The following MAL variants were observed in gnomAD, a reference collection of about 807,000 sequenced individuals.
The protein encoded by MAL is myelin and lymphocyte protein.
MAL carries 5 observed loss-of-function variants against 16.7 expected under a neutral mutation model. The observed-to-expected ratio is 0.30, with a 90% CI of 0.16 to 0.63. The LOEUF (loss-of-function observed/expected upper bound fraction) is 0.63. Among genes scored for constraint, MAL ranks in the 30% least tolerant of loss-of-function variants. MAL has a pLI of 0.82. For missense variants in MAL, 202 were observed against 195.8 expected (o/e 1.03, Z -0.19); for synonymous variants, 96 against 85.5 (o/e 1.12, Z -0.67).
At chr2:95,045,180 CAAAG>C (rs1202144996) in intron 1 of MAL, among the ~76,000 whole-genome samples, 3 of 152,162 alleles carry the variant, frequency 2.0e-5, no homozygotes, top group Non-Finnish European at 4.4e-5. Flanking sequence ...TCAGAAAAAC[CAAAG>C]AGAGTAAAGG....
rs542820496 is a variant in MAL, at chr2:95,032,600, G to A, written c.93+6715G>A. On this transcript the variant is annotated intron_variant, in intron 1 of 3. Coordinates refer to ENST00000309988, the MANE Select transcript of MAL (RefSeq NM_002371.4). Reference sequence around the variant, plus strand: ...ACTGTGCCCCTTGTCCTTGAAGCAGGAACGTTCTGGGGTGTGTGGCCAGCT... The same window carrying A: ...ACTGTGCCCCTTGTCCTTGAAGCAGAAACGTTCTGGGGTGTGTGGCCAGCT... Among the ~76,000 whole-genome samples the A allele has an allele frequency of 4.0e-4, 61 of 152,328 alleles. No homozygotes were observed. The South Asian group carries it at 0.012, about 31-fold the overall frequency.
At chr2:95,040,789 C>A (rs920587960) in intron 1 of MAL, among the ~76,000 whole-genome samples, 20 of 152,138 alleles carry the variant, frequency 1.3e-4, no homozygotes, top group African/African-American at 4.6e-4. Context: ...ATGATTTTTG[C>A]CACTTGACCT....
rs1282383235 is a variant in MAL, at chr2:95,032,700, G to A, written c.93+6815G>A. 9.2e-5 allele frequency among the ~76,000 whole-genome samples: 14 copies of A among 152,264 alleles called. 1 individual carries two copies. The South Asian group carries it at 2.9e-3, about 32-fold the overall frequency. ...GTCCCTCGTGGTCTCTCATCAATTT[G>A]GAAGGCTCCAAATTGCCTTTGACAC... is the stretch of plus-strand genomic sequence containing the variant. On this transcript the variant is annotated intron_variant, in intron 1 of 3. Transcript: ENST00000309988.
chr2:95,046,494 A>T (rs1674587749), intron 1 of MAL, among the ~76,000 whole-genome samples: 1 of 152,182 alleles, frequency 6.6e-6, no homozygotes, highest in South Asian at 2.1e-4. Context: ...GTCCACAGTG[A>T]GGAACGGAGT....
In MAL at chr2:95,053,294, T is replaced by C. The variant is rs373798004; in HGVS notation, c.388-87T>C. The C allele has an allele frequency of 5.5e-6, 5 of 911,038 alleles. No individual in the cohort carries two copies. The African/African-American group carries it at 6.5e-5, about 12-fold the overall frequency. The allele number at this position is 911,038 out of a possible 1,614,324, so 56.4% of individuals were successfully genotyped here. A position where few individuals can be genotyped will look rare whatever the true frequency, so the allele number is the denominator to read the frequency against. ...CAAGCTCTCTGGGTCTGGCCCCCCC[T>C]ACGCCACGTGGGGCTGGATGCAGTG... On this transcript the variant is annotated intron_variant, in intron 3 of 3. Transcript: ENST00000309988.
At chr2:95,031,746 C>T (rs1200853951) in intron 1 of MAL, among the ~76,000 whole-genome samples, 2 of 152,234 alleles carry the variant, frequency 1.3e-5, no homozygotes, top group African/African-American at 4.8e-5. Context: ...ACTGTGTCCA[C>T]TGGCTCCTGG....
intron 1 of MAL, among the ~76,000 whole-genome samples, chr2:95,032,079 G>A (rs1364109880): frequency 6.6e-6 from 1 of 152,250 alleles, no homozygotes; most frequent in African/African-American, 2.4e-5. Context: ...ACCTCACAGG[G>A]ATGGGGCAAT....
chr2:95,036,803 G>GTGTGAGTGAGTGACTT, intron 1 of MAL, among the ~76,000 whole-genome samples: 1 of 152,026 alleles, frequency 6.6e-6, no homozygotes, highest in East Asian at 1.9e-4. Flanking sequence ...GTGACTGAGT[G>GTGTGAGTGAGTGACTT]TGTGAGTGAG....
chr2:95,036,143 G>A (rs1187918952), intron 1 of MAL, among the ~76,000 whole-genome samples: 2 of 152,216 alleles, frequency 1.3e-5, no homozygotes, highest in Non-Finnish European at 2.9e-5. Context: ...TAATGAAGAG[G>A]CCAGGAGGGG....
chr2:95,044,843 G>A (rs1674549384), intron 1 of MAL, among the ~76,000 whole-genome samples: 1 of 152,194 alleles, frequency 6.6e-6, no homozygotes, highest in South Asian at 2.1e-4. Context: ...AGGAGGCTGT[G>A]ACCAGCTCTC....
intron 1 of MAL, chr2:95,044,645 T>C (rs957397287): frequency 6.6e-6 from 1 of 152,258 alleles, no homozygotes; most frequent in Non-Finnish European, 1.5e-5. Context: ...GTTCCCACTA[T>C]AGACTGCAGG....
At chr2:95,034,302 C>T (rs1212213230) in intron 1 of MAL, among the ~76,000 whole-genome samples, 1 of 152,118 alleles carries the variant, frequency 6.6e-6, no homozygotes, top group East Asian at 1.9e-4. Context: ...CAGCTAAGAG[C>T]TTGATGGAGC....
At chr2:95,048,327 A>G (rs1292211186) in intron 2 of MAL, among the ~76,000 whole-genome samples, 1 of 151,936 alleles carries the variant, frequency 6.6e-6, no homozygotes, top group African/African-American at 2.4e-5. Context: ...GCCGCTGCCA[A>G]CCCTCACTGG....
At position 95,032,916 on chromosome 2, in the gene MAL, G is replaced by A. The variant is rs1396587303; in HGVS notation, c.93+7031G>A. ...TTGGGTGAATCATTTTAATGTACCC[G>A]GGCCCTGGGTCCTGCAAAACATATG... On this transcript the variant is annotated intron_variant, in intron 1 of 3. Coordinates refer to ENST00000309988, the MANE Select transcript of MAL (RefSeq NM_002371.4). Among the ~76,000 whole-genome samples the A allele has an allele frequency of 9.2e-5, 14 of 152,154 alleles. 1 individual carries two copies. The highest frequency in any genetic ancestry group is 7.2e-5 in the African/African-American group (3 of 41,418).
intron 1 of MAL, among the ~76,000 whole-genome samples, chr2:95,031,972 G>T (rs1424408167): frequency 6.6e-6 from 1 of 152,028 alleles, no homozygotes; most frequent in Non-Finnish European, 1.5e-5. Flanking sequence ...TAAGTGTGAT[G>T]ATGGGGCTCA....
chr2:95,053,340 C>G, intron 3 of MAL, 41 bp from the exon 4 acceptor site: 1 of 1,381,592 alleles, frequency 7.2e-7, no homozygotes, highest in Non-Finnish European at 1.0e-6. Context: ...GCCTCGCCCT[C>G]CCTACACAAA....
At chr2:95,038,830 GAGCA>G (rs1185735818) in intron 1 of MAL, among the ~76,000 whole-genome samples, 8 of 148,986 alleles carry the variant, frequency 5.4e-5, no homozygotes, top group South Asian at 4.3e-4. Context: ...GTGAGTGAGT[GAGCA>G]AGTGAGTGAA....
intron 1 of MAL, among the ~76,000 whole-genome samples, chr2:95,040,249 A>G (rs148848936): frequency 1.3e-5 from 2 of 152,260 alleles, no homozygotes; most frequent in Non-Finnish European, 2.9e-5. Flanking sequence ...CACCATACAC[A>G]TACATACACA....
chr2:95,052,600 G>T (rs1461640980), intron 3 of MAL, among the ~76,000 whole-genome samples: 1 of 152,146 alleles, frequency 6.6e-6, no homozygotes, highest in Non-Finnish European at 1.5e-5. Context: ...GGAAACTCTT[G>T]ACCCCTAACC....
Sources: allele counts gnomAD v4.1 joint callset (sites outside exome capture counted in the v4.1 genomes callset), GRCh38; gene constraint gnomAD v4.1.1; transcripts MANE v1.5; gene names NCBI Gene and HGNC (gene_info 2026-07-23, HGNC 2026-07-21).